Variants in GRIK1 observed in about 807,000 individuals in gnomAD.
GRIK1 encodes glutamate ionotropic receptor kainate type subunit 1.
GRIK1 carries 69 observed loss-of-function variants against 105.7 expected under a neutral mutation model. That is an observed-to-expected ratio of 0.65 (90% CI 0.54 to 0.80). The LOEUF (loss-of-function observed/expected upper bound fraction) is 0.80. Ranked by LOEUF, GRIK1 falls within the 30% of genes least tolerant of loss-of-function variation. The pLI is 0.00. For synonymous variants in GRIK1, 438 were observed against 431.3 expected, an observed-to-expected ratio of 1.02 and a Z score of -0.19; for missense variants, 1,109 against 1,167.3, an observed-to-expected ratio of 0.95 and a Z score of 0.73.
chr21:29,563,676 C>T (rs1004653814), intron 14 of GRIK1, among the ~76,000 whole-genome samples: 3 of 152,134 alleles, frequency 2.0e-5, no homozygotes, highest in African/African-American at 7.2e-5. Flanking sequence ...TATCTTGTGG[C>T]AGTAAATGCA....
intron 1 of GRIK1, among the ~76,000 whole-genome samples, chr21:29,731,576 A>G (rs527609809): frequency 1.3e-5 from 2 of 152,338 alleles, no homozygotes; most frequent in South Asian, 4.1e-4. Flanking sequence ...TTTGGCACCC[A>G]TCAACTGGAA....
intron 1 of GRIK1, among the ~76,000 whole-genome samples, chr21:29,728,937 G>A (rs1233859653): frequency 6.6e-6 from 1 of 152,148 alleles, no homozygotes; most frequent in East Asian, 1.9e-4. Context: ...AACTTGATTA[G>A]CATGATGTGA....
chr21:29,827,400 G>A (rs75364661), intron 1 of GRIK1, among the ~76,000 whole-genome samples: 1,653 of 152,174 alleles, frequency 0.011, 39 homozygotes, highest in African/African-American at 0.037. Flanking sequence ...AGGCCATGAT[G>A]AGTCAACGGC....
At chr21:29,785,206 C>A (rs1484897150) in intron 1 of GRIK1, among the ~76,000 whole-genome samples, 1 of 152,154 alleles carries the variant, frequency 6.6e-6, no homozygotes, top group African/African-American at 2.4e-5. Flanking sequence ...CTCACTGCTA[C>A]AAGAAGATAT....
intron 1 of GRIK1, among the ~76,000 whole-genome samples, chr21:29,932,916 G>T (rs778775074): frequency 6.6e-6 from 1 of 150,602 alleles, no homozygotes; most frequent in Non-Finnish European, 1.5e-5. Context: ...AGCAAGTCTA[G>T]TGTAAAAAAA....
chr21:29,789,629 A>C (rs911198759), intron 1 of GRIK1, among the ~76,000 whole-genome samples: 23 of 152,072 alleles, frequency 1.5e-4, no homozygotes, highest in Non-Finnish European at 3.1e-4. Flanking sequence ...TTGCAATAGT[A>C]CCCCTTCCCT....
intron 1 of GRIK1, among the ~76,000 whole-genome samples, chr21:29,746,187 G>A (rs2065044024): frequency 6.6e-6 from 1 of 152,188 alleles, no homozygotes; most frequent in Admixed American, 6.5e-5. Context: ...GCACTTCTGT[G>A]TGCTGACTGT....
At chr21:29,545,123 C>T (rs2090030849) in intron 16 of GRIK1, among the ~76,000 whole-genome samples, 1 of 152,160 alleles carries the variant, frequency 6.6e-6, no homozygotes, top group Admixed American at 6.5e-5. Flanking sequence ...CATTTTCCTG[C>T]CCTAGAAAGG....
intron 14 of GRIK1, among the ~76,000 whole-genome samples, chr21:29,564,794 C>T (rs2090574702): frequency 6.6e-6 from 1 of 152,162 alleles, no homozygotes; most frequent in South Asian, 2.1e-4. Context: ...TAAGAGAGGT[C>T]ATGAGTTTAG....
intron 1 of GRIK1, among the ~76,000 whole-genome samples, chr21:29,831,812 C>T (rs2067650004): frequency 6.6e-6 from 1 of 152,132 alleles, no homozygotes; most frequent in East Asian, 1.9e-4. Flanking sequence ...GTCCTTCTCA[C>T]ACTGCAAAAT....
chr21:29,567,710 A>G (rs1348126933), intron 14 of GRIK1, among the ~76,000 whole-genome samples: 1 of 152,212 alleles, frequency 6.6e-6, no homozygotes, highest in Non-Finnish European at 1.5e-5. Context: ...GACATTGGCT[A>G]TGTAGAACTT....
chr21:29,555,378 T>A, intron 15 of GRIK1, 76 bp from the exon 16 acceptor site: 1 of 1,362,060 alleles, frequency 7.3e-7, no homozygotes. Context: ...AATTATCATC[T>A]TTGTCATAAC....
intron 3 of GRIK1, among the ~76,000 whole-genome samples, chr21:29,677,497 C>T (rs574293269): frequency 5.3e-5 from 8 of 151,926 alleles, no homozygotes; most frequent in African/African-American, 1.9e-4. Context: ...CCTGTCTACT[C>T]GGTGCACTCA....
intron 1 of GRIK1, among the ~76,000 whole-genome samples, chr21:29,701,508 T>A (rs901948130): frequency 3.7e-4 from 56 of 152,142 alleles, no homozygotes; most frequent in Admixed American, 3.1e-3. Flanking sequence ...AGAGAAGTGA[T>A]GGGTGGATTG....
chr21:29,787,490 T>G (rs970810057), intron 1 of GRIK1, among the ~76,000 whole-genome samples: 1 of 152,244 alleles, frequency 6.6e-6, no homozygotes, highest in African/African-American at 2.4e-5. Flanking sequence ...ATTGATTCTC[T>G]GTAACTTTTC....
At chr21:29,782,179 C>T (rs561148899) in intron 1 of GRIK1, among the ~76,000 whole-genome samples, 6 of 151,172 alleles carry the variant, frequency 4.0e-5, no homozygotes, top group South Asian at 2.1e-4. Context: ...CTCTGCCTCC[C>T]GGGTTCACGC....
chr21:29,553,018 A>G (rs1416883122), intron 16 of GRIK1, among the ~76,000 whole-genome samples: 1 of 152,076 alleles, frequency 6.6e-6, no homozygotes, highest in Non-Finnish European at 1.5e-5. Flanking sequence ...TAAATAATAC[A>G]TTTTAAATCG....
chr21:29,913,672 A>AAT (rs60924907), intron 1 of GRIK1, among the ~76,000 whole-genome samples: 8,983 of 144,350 alleles, frequency 0.062, 615 homozygotes, highest in African/African-American at 0.17. Flanking sequence ...AGAAACACTA[A>AAT]ATATATATAT....
intron 1 of GRIK1, among the ~76,000 whole-genome samples, chr21:29,920,980 C>G (rs116602093): frequency 9.3e-4 from 142 of 152,260 alleles, no homozygotes; most frequent in African/African-American, 3.2e-3. Flanking sequence ...AGCATCTACA[C>G]TAAACCTGCA....
Sources: gnomAD v4.1 joint callset for allele counts (sites outside exome capture counted in the v4.1 genomes callset) on GRCh38, gnomAD v4.1.1 for gene constraint, MANE v1.5 for transcripts, NCBI Gene and HGNC (gene_info 2026-07-23, HGNC 2026-07-21) for gene names.